The following COQ5 variants were observed in gnomAD, a reference collection of about 807,000 sequenced individuals.
The protein encoded by COQ5 is coenzyme Q5, methyltransferase.
In COQ5, 27 loss-of-function variants were observed where a neutral mutation model predicts 40.5. That is an observed-to-expected ratio of 0.67 (90% CI 0.49 to 0.92). The LOEUF is 0.92. Among genes scored for constraint, COQ5 ranks in the 40% least tolerant of loss-of-function variants. The pLI, the probability that COQ5 is intolerant of heterozygous loss-of-function variation, is 0.00. For synonymous variants in COQ5, 141 were observed against 150.0 expected (o/e 0.94, Z 0.44); for missense variants, 409 against 406.4 (o/e 1.01, Z -0.06).
chr12:120,514,178 C>T (rs1344936278), intron 3 of COQ5, among the ~76,000 whole-genome samples: 2 of 152,096 alleles, frequency 1.3e-5, no homozygotes, highest in Non-Finnish European at 2.9e-5. Context: ...AGCGACTGTC[C>T]GCCTTCTGAC....
intron 4 of COQ5, 113 bp downstream of exon 4, chr12:120,509,904 A>G (rs1869049970): frequency 1.2e-6 from 1 of 812,594 alleles, no homozygotes; most frequent in African/African-American, 1.7e-5. Flanking sequence ...TGGGCAACAT[A>G]CCAAGACCCC....
At chr12:120,520,425 A>G (rs1377408567) in intron 2 of COQ5, among the ~76,000 whole-genome samples, 2 of 151,038 alleles carry the variant, frequency 1.3e-5, no homozygotes, top group Non-Finnish European at 3.0e-5. Flanking sequence ...TCCTGGGTTC[A>G]AGCAATTCTC....
In COQ5 at chr12:120,503,973, A is replaced by G; in HGVS notation, c.879T>C (p.Ser293=). ...TAAAGCTATAGAAGTTTCATACCTG[A>G]GACGGAAACCTTCGGATACTCTCTA... is the stretch of plus-strand genomic sequence containing the variant. ...YLVESIRRFP[S]QEEFKDMIED... The change falls in exon 6 of 7, where the codon TCT becomes TCC. Residue 293 remains serine (S), a synonymous_variant. Coordinates refer to ENST00000288532, the MANE Select transcript of COQ5 (RefSeq NM_032314.4). The G allele has an allele frequency of 6.2e-7, 1 of 1,609,974 alleles. No homozygotes were observed. Among genetic ancestry groups the G allele is most frequent in the Non-Finnish European group, 8.5e-7 (1 of 1,176,176 alleles).
chr12:120,529,063 G>A lies in COQ5; in HGVS notation c.79C>T (p.Leu27Phe). Residue 27 changes from leucine (L) to phenylalanine (F), a missense_variant, in exon 1 of 7, where the codon CTC becomes TTC. Coordinates refer to ENST00000288532, the MANE Select transcript of COQ5 (RefSeq NM_032314.4). ...WSRAMRGCQL[L>F]GLRSSWPGDL... ...CCGGGCCAAGAGCTACGAAGCCCGA[G>A]GAGCTGGCAGCCCCGCATCGCCCGC... The A allele has an allele frequency of 6.2e-7, 1 of 1,614,188 alleles. No individual in the cohort carries two copies. The highest frequency in any genetic ancestry group is 8.5e-7 in the Non-Finnish European group (1 of 1,180,034).
In COQ5 at chr12:120,503,415, G is replaced by A. The variant is rs374305599; in HGVS notation, c.*369C>T. ...ATTTTCTGGTTAAAAATTGTCATTG[G>A]GTTCAAATGATCTATCATCCCTCTA... On this transcript the variant is annotated 3_prime_UTR_variant, in exon 7 of 7. Coordinates refer to ENST00000288532, the MANE Select transcript of COQ5 (RefSeq NM_032314.4). 21 of 380,182 alleles carry A rather than the reference G, an allele frequency of 5.5e-5. No individual in the cohort carries two copies. The East Asian group carries it at 6.3e-4, about 11-fold the overall frequency. The allele number at this position is 380,182 out of a possible 1,614,324, so 23.6% of individuals were successfully genotyped here. A position where few individuals can be genotyped will look rare whatever the true frequency, so the allele number is the denominator to read the frequency against.
At chr12:120,504,200 C>A in intron 5 of COQ5, 119 bp from the exon 6 acceptor site, 1 of 713,002 alleles carries the variant, frequency 1.4e-6, no homozygotes, top group Non-Finnish European at 2.5e-6. Flanking sequence ...AGGGATCAAG[C>A]AAGAACCTGA....
intron 4 of COQ5, among the ~76,000 whole-genome samples, chr12:120,507,288 ATTTTT>A (rs954954756): frequency 2.9e-5 from 4 of 136,984 alleles, no homozygotes; most frequent in African/African-American, 1.1e-4. Context: ...TATTCAACTT[ATTTTT>A]TTTTTTTTTG....
intron 1 of COQ5, chr12:120,523,960 A>G (rs556819446): frequency 1.2e-5 from 5 of 411,604 alleles, no homozygotes; most frequent in African/African-American, 2.1e-5. Context: ...CAGTGAGCTG[A>G]AATTGGACCA....
intron 3 of COQ5, among the ~76,000 whole-genome samples, chr12:120,515,612 A>T (rs1210736000): frequency 6.6e-6 from 1 of 152,190 alleles, no homozygotes; most frequent in African/African-American, 2.4e-5. Context: ...TGTGTGTGGC[A>T]GGGGAAACAC....
In COQ5 at chr12:120,529,103, G is replaced by A. The variant is rs1446838204; in HGVS notation, c.39C>T (p.Cys13=). 3 of 1,614,072 alleles carry A rather than the reference G, an allele frequency of 1.9e-6. No individual in the cohort carries two copies. Among genetic ancestry groups the A allele is most frequent in the East Asian group, 2.2e-5 (1 of 44,862 alleles). The part of the protein sequence containing the change: ...APGSCALWSY[C]GRGWSRAMRG... Reference sequence around the variant, plus strand: ...GCATCGCCCGCGACCACCCACGGCCGCAATAGCTCCATAGAGCACAGCTCC... The same window carrying A: ...GCATCGCCCGCGACCACCCACGGCCACAATAGCTCCATAGAGCACAGCTCC... Residue 13 remains cysteine, a synonymous_variant, in exon 1 of 7, where the codon TGC becomes TGT. Coordinates refer to ENST00000288532, the MANE Select transcript of COQ5 (RefSeq NM_032314.4).
chr12:120,527,998 A>AAAAAAAAG (rs1870038497), intron 1 of COQ5, among the ~76,000 whole-genome samples: 1 of 126,038 alleles, frequency 7.9e-6, no homozygotes, highest in Admixed American at 7.6e-5. Flanking sequence ...CAAAAAAAAA[A>AAAAAAAAG]AAAAAAAAAA....
At chr12:120,516,511 C>T (rs1869377470) in intron 3 of COQ5, 56 bp downstream of exon 3, 2 of 1,370,250 alleles carry the variant, frequency 1.5e-6, no homozygotes, top group Non-Finnish European at 2.1e-6. Context: ...ACATATTCCA[C>T]CTTATTCTAT....
chr12:120,506,341 G>C (rs1241220386), intron 4 of COQ5, among the ~76,000 whole-genome samples: 1 of 151,626 alleles, frequency 6.6e-6, no homozygotes. Context: ...AAGAGATACA[G>C]TCAATTTCTC....
intron 2 of COQ5, among the ~76,000 whole-genome samples, chr12:120,520,758 T>C (rs951359197): frequency 6.6e-6 from 1 of 151,920 alleles, no homozygotes; most frequent in Non-Finnish European, 1.5e-5. Flanking sequence ...ACGCCCAGCC[T>C]CTAATGTAAT....
At chr12:120,507,705 T>A (rs1053154576) in intron 4 of COQ5, among the ~76,000 whole-genome samples, 4 of 149,648 alleles carry the variant, frequency 2.7e-5, no homozygotes, top group Non-Finnish European at 5.9e-5. Flanking sequence ...CTGACCAACA[T>A]GGAGAAACTC....
At chr12:120,525,810 A>C (rs1869910822) in intron 1 of COQ5, among the ~76,000 whole-genome samples, 1 of 152,112 alleles carries the variant, frequency 6.6e-6, no homozygotes. Context: ...CTGTAGTCCC[A>C]GCTACTCGGG....
At chr12:120,526,292 G>A (rs894899122) in intron 1 of COQ5, among the ~76,000 whole-genome samples, 4 of 152,180 alleles carry the variant, frequency 2.6e-5, no homozygotes, top group Non-Finnish European at 5.9e-5. Flanking sequence ...ATGAAAGAGG[G>A]AATTGAGCAA....
intron 4 of COQ5, among the ~76,000 whole-genome samples, chr12:120,509,519 G>T (rs1869031820): frequency 6.6e-6 from 1 of 152,150 alleles, no homozygotes; most frequent in African/African-American, 2.4e-5. Flanking sequence ...CAAATTCACA[G>T]GGTCAGGCAG....
chr12:120,509,966 C>T (rs1364970843), intron 4 of COQ5, 51 bp downstream of exon 4: 1 of 1,392,066 alleles, frequency 7.2e-7, no homozygotes, highest in South Asian at 1.2e-5. Flanking sequence ...AGCTCTACAA[C>T]AGAGGTAATT....
Sources: gnomAD v4.1 joint callset for allele counts (sites outside exome capture counted in the v4.1 genomes callset) on GRCh38, gnomAD v4.1.1 for gene constraint, MANE v1.5 for transcripts, NCBI Gene and HGNC (gene_info 2026-07-23, HGNC 2026-07-21) for gene names.